Variants in CLIP4 observed in about 807,000 individuals in gnomAD.
CLIP4 encodes CAP-Gly domain-containing linker protein 4.
CLIP4 carries 47 observed loss-of-function variants against 73.1 expected under a neutral mutation model. That is an observed-to-expected ratio of 0.64 (90% confidence interval 0.51 to 0.82). The LOEUF (loss-of-function observed/expected upper bound fraction) is 0.82, where lower values mean the gene tolerates loss of function less well. Among genes scored for constraint, CLIP4 ranks in the 40% least tolerant of loss-of-function variants. The pLI is 0.00. For synonymous variants in CLIP4, 306 were observed against 295.4 expected (o/e 1.04, Z -0.37); for missense variants, 874 against 852.9 (o/e 1.02, Z -0.31).
chr2:29,161,519 A>G (rs1374565785), intron 12 of CLIP4, among the ~76,000 whole-genome samples: 1 of 152,126 alleles, frequency 6.6e-6, no homozygotes, highest in African/African-American at 2.4e-5. Context: ...CCACAGTTTC[A>G]TAGATGTTGG....
chr2:29,121,808 A>G (rs1021613342), intron 2 of CLIP4, among the ~76,000 whole-genome samples: 6 of 152,184 alleles, frequency 3.9e-5, no homozygotes, highest in African/African-American at 1.2e-4. Context: ...GATATCTAGC[A>G]TTCTTCTGCT....
At chr2:29,126,867 G>A (rs901923498) in intron 2 of CLIP4, among the ~76,000 whole-genome samples, 5 of 152,134 alleles carry the variant, frequency 3.3e-5, no homozygotes, top group African/African-American at 1.2e-4. Flanking sequence ...ATAATAGTTT[G>A]GAGGGTTGTA....
At chr2:29,099,155 T>C (rs892579026) in intron 1 of CLIP4, among the ~76,000 whole-genome samples, 59 of 152,088 alleles carry the variant, frequency 3.9e-4, no homozygotes, top group Middle Eastern at 3.4e-3. Flanking sequence ...GGCTTGTCTT[T>C]TCATTGTCTT....
At chr2:29,181,061 C>A (rs1668617389) in intron 15 of CLIP4, among the ~76,000 whole-genome samples, 1 of 152,056 alleles carries the variant, frequency 6.6e-6, no homozygotes, top group African/African-American at 2.4e-5. Flanking sequence ...TGGACTCCCC[C>A]AAAACTTAAC....
At chr2:29,173,004 A>G (rs1006574441) in intron 14 of CLIP4, among the ~76,000 whole-genome samples, 1 of 152,164 alleles carries the variant, frequency 6.6e-6, no homozygotes, top group African/African-American at 2.4e-5. Flanking sequence ...ATAATTCAGT[A>G]TCTAAAGCCT....
chr2:29,101,638 G>A (rs567438008), intron 1 of CLIP4, among the ~76,000 whole-genome samples: 4 of 152,098 alleles, frequency 2.6e-5, no homozygotes, highest in Non-Finnish European at 5.9e-5. Flanking sequence ...CACCCTCACC[G>A]ACACACCCAG....
chr2:29,163,838 G>T lies in CLIP4; in HGVS notation c.1542G>T (p.Trp514Cys), dbSNP rs138725671. 2.6e-5 allele frequency: 42 copies of T among 1,612,240 alleles called. No homozygotes were observed. In the African/African-American group the frequency reaches 4.7e-4, roughly 18 times the overall value. Residue 514 changes from tryptophan to cysteine, a missense_variant, in exon 13 of 16, where the codon TGG becomes TGT. Coordinates refer to ENST00000320081, the MANE Select transcript of CLIP4 (RefSeq NM_024692.6). ...GCAATATTCATGTTCTAGGATATTG[G>T]TATGGTATAGAGCTTGAAAAACCCC... ...FGTTNFAPGY[W>C]YGIELEKPHG...
chr2:29,162,343 G>T (rs1233526352), intron 12 of CLIP4, among the ~76,000 whole-genome samples: 1 of 152,176 alleles, frequency 6.6e-6, no homozygotes, highest in Non-Finnish European at 1.5e-5. Context: ...CAGAACAGTG[G>T]TAATATCTTA....
At chr2:29,105,166 T>A (rs889139175) in intron 1 of CLIP4, among the ~76,000 whole-genome samples, 1 of 152,182 alleles carries the variant, frequency 6.6e-6, no homozygotes. Context: ...CCCTCAAGGG[T>A]GTGTGGCTAA....
intron 1 of CLIP4, among the ~76,000 whole-genome samples, chr2:29,107,317 A>G (rs1668237141): frequency 6.8e-6 from 1 of 148,114 alleles, no homozygotes; most frequent in African/African-American, 2.5e-5. Flanking sequence ...CATGTGATAC[A>G]AAGGCAGCTT....
chr2:29,140,334 G>GT (rs1198350009), intron 6 of CLIP4, among the ~76,000 whole-genome samples: 2 of 151,878 alleles, frequency 1.3e-5, no homozygotes, highest in Non-Finnish European at 2.9e-5. Flanking sequence ...GCGGTGTTTG[G>GT]TTTTTTGTCC....
chr2:29,101,065 C>T (rs1005320488), intron 1 of CLIP4, among the ~76,000 whole-genome samples: 2 of 151,902 alleles, frequency 1.3e-5, no homozygotes, highest in South Asian at 2.1e-4. Flanking sequence ...CAGAGGCAGG[C>T]GGATCACCTG....
intron 8 of CLIP4, among the ~76,000 whole-genome samples, chr2:29,147,766 C>T (rs373868944): frequency 7.3e-4 from 111 of 152,242 alleles, no homozygotes; most frequent in African/African-American, 2.6e-3. Flanking sequence ...CCATCTTCAC[C>T]TCACAGTGCT....
intron 15 of CLIP4, among the ~76,000 whole-genome samples, chr2:29,180,880 A>G (rs138031048): frequency 3.9e-5 from 6 of 152,190 alleles, no homozygotes; most frequent in East Asian, 3.9e-4. Flanking sequence ...ATATATATAT[A>G]TATGGCAAAT....
intron 14 of CLIP4, 150 bp downstream of exon 14, chr2:29,167,690 C>G: frequency 2.0e-6 from 1 of 510,406 alleles, no homozygotes; most frequent in African/African-American, 2.0e-5. Context: ...GTTACCTGTC[C>G]CCTGGCTGAA....
chr2:29,145,140 A>G, intron 7 of CLIP4, 92 bp from the exon 8 acceptor site: 1 of 1,103,666 alleles, frequency 9.1e-7, no homozygotes, highest in South Asian at 1.8e-5. Context: ...GTGAATTTTT[A>G]AAAACTCCCA....
chr2:29,160,389 C>T lies in CLIP4; in HGVS notation c.1456C>T (p.Arg486Cys), dbSNP rs774438822. ...ANNSRCEGEL[R>C]LGERVLVVGQ... Reference sequence around the variant, plus strand: ...TAATAGCCGTTGCGAGGGGGAACTCCGCCTCGGAGAGAGAGTGTTAGTGGT... The same window carrying T: ...TAATAGCCGTTGCGAGGGGGAACTCTGCCTCGGAGAGAGAGTGTTAGTGGT... The change falls in exon 12 of 16, where the codon CGC (arginine) becomes TGC (cysteine). Residue 486 changes from arginine (R) to cysteine (C), a missense_variant. Physicochemically the swap from Arg to Cys is radical, Grantham distance 180. Coordinates refer to ENST00000320081, the MANE Select transcript of CLIP4 (RefSeq NM_024692.6). 1.9e-5 allele frequency: 31 copies of T among 1,614,032 alleles called. No homozygotes were observed. The highest frequency in any genetic ancestry group is 1.2e-4 in the African/African-American group (9 of 74,910).
chr2:29,181,221 C>T (rs1450188517), intron 15 of CLIP4, among the ~76,000 whole-genome samples: 2 of 152,086 alleles, frequency 1.3e-5, no homozygotes, highest in African/African-American at 4.8e-5. Flanking sequence ...TTTACTATTC[C>T]TGAAATAGAA....
Position 29,145,320 on chromosome 2 carries a change from A to G in CLIP4, c.974A>G (p.Asn325Ser). 6.2e-7 allele frequency: 1 copy of G among 1,613,536 alleles called. No individual in the cohort carries two copies. The highest frequency in any genetic ancestry group is 8.5e-7 in the Non-Finnish European group (1 of 1,179,504). ...CTGGATGAACCAGAAGGAAAAAATAATGGAAGTGTTGGAAAAGTCCAGTAC... is the reference window on the plus strand; with the variant it reads ...CTGGATGAACCAGAAGGAAAAAATAGTGGAAGTGTTGGAAAAGTCCAGTAC... ...IELDEPEGKN[N>S]GSVGKVQYFK... The change falls in exon 8 of 16, where the codon AAT (asparagine) becomes AGT (serine). Residue 325 changes from asparagine to serine, a missense_variant. Coordinates refer to ENST00000320081, the MANE Select transcript of CLIP4 (RefSeq NM_024692.6).
Sources: allele counts gnomAD v4.1 joint callset (sites outside exome capture counted in the v4.1 genomes callset), GRCh38; gene constraint gnomAD v4.1.1; transcripts MANE v1.5; gene names NCBI Gene and HGNC (gene_info 2026-07-23, HGNC 2026-07-21).